DSCAML1: variants seen among roughly 807,000 people sequenced by gnomAD.
DSCAML1 encodes the protein cell adhesion molecule DSCAML1.
A neutral mutation model predicts 200.5 loss-of-function variants in DSCAML1; 38 were observed. The observed-to-expected ratio is 0.19, with a 90% CI of 0.15 to 0.25. The LOEUF is 0.25. DSCAML1 is among the 10% of genes least tolerant of loss of function. The pLI is 1.00. For synonymous variants in DSCAML1, 1,215 were observed against 1,165.0 expected (o/e 1.04, Z -0.87); for missense variants, 2,223 against 2,858.8 (o/e 0.78, Z 5.07).
At chr11:117,663,028 GC>G (rs111962854) in intron 3 of DSCAML1, among the ~76,000 whole-genome samples, 51,645 of 151,882 alleles carry the variant, frequency 0.34, 9,095 homozygotes, top group African/African-American at 0.41. Context: ...ACATCCACTT[GC>G]CCCCCGGAGA....
At chr11:117,691,491 G>T (rs1162895416) in intron 3 of DSCAML1, among the ~76,000 whole-genome samples, 1 of 152,136 alleles carries the variant, frequency 6.6e-6, no homozygotes, top group African/African-American at 2.4e-5. Flanking sequence ...TTGGAGGACC[G>T]CTTGTTGCAG....
chr11:117,714,884 T>A (rs2053921939), intron 3 of DSCAML1, among the ~76,000 whole-genome samples: 1 of 145,608 alleles, frequency 6.9e-6, no homozygotes, highest in Non-Finnish European at 1.5e-5. Flanking sequence ...AGACACACGA[T>A]GACGCAGCTG....
At chr11:117,662,468 TCA>T (rs1459456989) in intron 3 of DSCAML1, among the ~76,000 whole-genome samples, 1 of 152,230 alleles carries the variant, frequency 6.6e-6, no homozygotes, top group Non-Finnish European at 1.5e-5. Flanking sequence ...CTTGGCTGTC[TCA>T]CAGAGTCGTG....
chr11:117,732,756 A>G (rs1314694305), intron 3 of DSCAML1, among the ~76,000 whole-genome samples: 1 of 152,154 alleles, frequency 6.6e-6, no homozygotes, highest in East Asian at 1.9e-4. Context: ...CTTCCTTGGG[A>G]GCCAAGCATG....
Position 117,618,671 on chromosome 11 carries a change from T to TA in DSCAML1, c.512-86150dup, listed in dbSNP as rs201195482. Among the ~76,000 whole-genome samples the TA allele has an allele frequency of 5.6e-3, 831 of 147,762 alleles. 4 individuals are homozygous for TA. The highest frequency in any genetic ancestry group is 0.017 in the African/African-American group (674 of 40,608). On this transcript the variant is annotated intron_variant, in intron 3 of 32. Coordinates refer to ENST00000651296, the MANE Select transcript of DSCAML1 (RefSeq NM_020693.4). ...CTTTATAGTGCCTTTAGGTTTGGTT[T>TA]AAAAAAAAAAAATCTGTCTTTGCAG... is the stretch of plus-strand genomic sequence containing the variant.
At chr11:117,578,016 C>G (rs925877822) in intron 3 of DSCAML1, among the ~76,000 whole-genome samples, 2 of 151,668 alleles carry the variant, frequency 1.3e-5, no homozygotes, top group Non-Finnish European at 2.9e-5. Context: ...GGGTGGATCA[C>G]CTGAGGTCAG....
chr11:117,695,834 C>T (rs1265677555), intron 3 of DSCAML1, among the ~76,000 whole-genome samples: 2 of 152,206 alleles, frequency 1.3e-5, no homozygotes, highest in Admixed American at 1.3e-4. Flanking sequence ...GTTATTAATT[C>T]AAGCAGCCTC....
chr11:117,536,166 G>A (rs1040974832), intron 3 of DSCAML1, among the ~76,000 whole-genome samples: 6 of 152,226 alleles, frequency 3.9e-5, no homozygotes, highest in Admixed American at 6.5e-5. Flanking sequence ...TCCCCTTGGG[G>A]GGGCTTGTGC....
At chr11:117,449,473 A>G (rs1417795966) in intron 20 of DSCAML1, among the ~76,000 whole-genome samples, 1 of 151,998 alleles carries the variant, frequency 6.6e-6, no homozygotes, top group African/African-American at 2.4e-5. Context: ...GAAAGACCAC[A>G]GGAAAGCAGA....
At position 117,559,812 on chromosome 11, in the gene DSCAML1, C is replaced by T. The variant is rs12287898; in HGVS notation, c.512-27290G>A. Among the ~76,000 whole-genome samples the T allele has an allele frequency of 6.7e-3, 1,011 of 151,938 alleles. 11 individuals are homozygous for T. The highest frequency in any genetic ancestry group is 0.023 in the African/African-American group (960 of 41,404). On this transcript the variant is annotated intron_variant, in intron 3 of 32. Coordinates refer to ENST00000651296, the MANE Select transcript of DSCAML1 (RefSeq NM_020693.4). ...TACAGAGAGACCCTCGCCCAGGGCA[C>T]GGAAGCCACAGCAGGGCTCACCACT...
intron 3 of DSCAML1, among the ~76,000 whole-genome samples, chr11:117,560,036 G>A (rs575685950): frequency 2.6e-5 from 4 of 152,074 alleles, no homozygotes; most frequent in Non-Finnish European, 4.4e-5. Flanking sequence ...AGACAGGCCC[G>A]GCTGCTGGGA....
chr11:117,518,908 G>A lies in DSCAML1; in HGVS notation c.1214-146C>T, dbSNP rs547852256. 93 of 888,060 alleles carry A rather than the reference G, an allele frequency of 1.0e-4. 1 individual carries two copies. The South Asian group carries it at 1.5e-3, about 15-fold the overall frequency. 55.0% of individuals were successfully genotyped at this position (888,060 alleles called of 1,614,324 possible). A position where few individuals can be genotyped will look rare whatever the true frequency, so the allele number is the denominator to read the frequency against. ...GTGTACATCAATTCTTCTGCTATCC[G>A]CAACCCCAAGTGGTGCCAGTTACTG... On this transcript the variant is annotated intron_variant, in intron 6 of 32. Coordinates refer to ENST00000651296, the MANE Select transcript of DSCAML1 (RefSeq NM_020693.4). The surrounding 1 kb of genome is among the most constrained non-coding windows in gnomAD (Gnocchi z 6.3).
chr11:117,610,275 T>G (rs1317151895), intron 3 of DSCAML1, among the ~76,000 whole-genome samples: 3 of 152,186 alleles, frequency 2.0e-5, no homozygotes, highest in Non-Finnish European at 4.4e-5. Context: ...TCCCGCCCCC[T>G]TTTGCGGCTA....
chr11:117,748,602 G>A (rs547116112), intron 3 of DSCAML1, among the ~76,000 whole-genome samples: 2 of 152,286 alleles, frequency 1.3e-5, no homozygotes, highest in South Asian at 2.1e-4. Context: ...TGTGGAATGC[G>A]GGGGCTCAGT....
chr11:117,448,766 G>A (rs531903956), intron 20 of DSCAML1, among the ~76,000 whole-genome samples: 2 of 152,184 alleles, frequency 1.3e-5, no homozygotes, highest in African/African-American at 2.4e-5. Context: ...CTGTGAGTGG[G>A]GGTGTGATTG....
chr11:117,567,521 T>G (rs2050778811), intron 3 of DSCAML1, among the ~76,000 whole-genome samples: 1 of 152,278 alleles, frequency 6.6e-6, no homozygotes, highest in South Asian at 2.1e-4. Context: ...TTCTCCCATT[T>G]TGTAGGTTGC....
At chr11:117,486,910 C>G (rs1454600512) in intron 11 of DSCAML1, among the ~76,000 whole-genome samples, 1 of 110,364 alleles carries the variant, frequency 9.1e-6, no homozygotes, top group Non-Finnish European at 1.8e-5. Context: ...ATGTAAAATA[C>G]CTTTTTTTTT....
chr11:117,590,033 C>T (rs561321488), intron 3 of DSCAML1, among the ~76,000 whole-genome samples: 16 of 152,278 alleles, frequency 1.1e-4, no homozygotes, highest in Admixed American at 2.0e-4. Context: ...TTGCCTTATC[C>T]AAATACTATC....
chr11:117,564,358 C>T (rs1936618904), intron 3 of DSCAML1, among the ~76,000 whole-genome samples: 1 of 152,206 alleles, frequency 6.6e-6, no homozygotes, highest in African/African-American at 2.4e-5. Flanking sequence ...GAAGCACTCC[C>T]TAGCCTTTGT....
Sources: gnomAD v4.1 joint callset for allele counts (sites outside exome capture counted in the v4.1 genomes callset) on GRCh38, gnomAD v4.1.1 for gene constraint, Gnocchi (gnomAD v3.1) non-coding constraint, MANE v1.5 for transcripts, NCBI Gene and HGNC (gene_info 2026-07-23, HGNC 2026-07-21) for gene names.